The following KCNMA1 variants were observed in gnomAD, a reference collection of about 807,000 sequenced individuals.
KCNMA1 encodes the protein Calcium-activated potassium channel subunit alpha-1.
A neutral mutation model predicts 140.0 loss-of-function variants in KCNMA1; 29 were observed. The observed-to-expected ratio is 0.21, with a 90% CI of 0.15 to 0.28. KCNMA1 has a LOEUF of 0.28. KCNMA1 is among the 10% of genes least tolerant of loss of function. The pLI is 1.00. For missense variants in KCNMA1, 880 were observed against 1,602.2 expected, an observed-to-expected ratio of 0.55 and a Z score of 7.70; for synonymous variants, 612 against 611.9, an observed-to-expected ratio of 1.00 and a Z score of 0.00.
chr10:76,917,299 T>C (rs2053360377), intron 23 of KCNMA1, among the ~76,000 whole-genome samples: 1 of 152,162 alleles, frequency 6.6e-6, no homozygotes. Flanking sequence ...CATCATCAAA[T>C]GCTGACTTGA....
At chr10:77,354,954 T>A (rs1006394974) in intron 2 of KCNMA1, among the ~76,000 whole-genome samples, 2 of 152,228 alleles carry the variant, frequency 1.3e-5, no homozygotes, top group Non-Finnish European at 2.9e-5. Flanking sequence ...GCATTTGATA[T>A]GGTTTGGCTC....
At chr10:76,914,252 C>T in intron 24 of KCNMA1, 1 of 759,808 alleles carries the variant, frequency 1.3e-6, no homozygotes, top group South Asian at 1.7e-5. Context: ...CCCCGGACCA[C>T]AGGTAGTTTG....
chr10:76,877,219 C>CA (rs2032558144), downstream of KCNMA1: 1 of 153,470 alleles, frequency 6.5e-6, no homozygotes, highest in African/African-American at 2.4e-5. Context: ...AGCAGGTATT[C>CA]ACCTGTCCCC....
At chr10:77,336,055 G>A (rs548745574) in intron 2 of KCNMA1, among the ~76,000 whole-genome samples, 1 of 152,154 alleles carries the variant, frequency 6.6e-6, no homozygotes, top group Non-Finnish European at 1.5e-5. Flanking sequence ...GATGCAGGGG[G>A]AAGTTGGGAA....
At chr10:77,049,044 G>A (rs1023680925) in intron 14 of KCNMA1, among the ~76,000 whole-genome samples, 1 of 152,124 alleles carries the variant, frequency 6.6e-6, no homozygotes, top group Admixed American at 6.6e-5. Context: ...GATTACAGAC[G>A]TGAGCCACCG....
At chr10:77,419,816 C>T (rs1332772512) in intron 1 of KCNMA1, among the ~76,000 whole-genome samples, 1 of 152,190 alleles carries the variant, frequency 6.6e-6, no homozygotes, top group Admixed American at 6.5e-5. Context: ...TGTGTCACAG[C>T]CCTGGAAAGC....
intron 2 of KCNMA1, among the ~76,000 whole-genome samples, chr10:77,360,539 C>T (rs771040251): frequency 1.3e-5 from 2 of 152,162 alleles, no homozygotes; most frequent in Admixed American, 6.5e-5. Flanking sequence ...CCTGCTGTAC[C>T]AGGAGAGCAC....
chr10:77,301,219 G>A (rs1484843124), intron 2 of KCNMA1, among the ~76,000 whole-genome samples: 1 of 152,172 alleles, frequency 6.6e-6, no homozygotes, highest in Admixed American at 6.5e-5. Flanking sequence ...GACCTTGAAG[G>A]CAATTCTAAG....
intron 1 of KCNMA1, among the ~76,000 whole-genome samples, chr10:77,575,207 G>A (rs1024422163): frequency 6.6e-6 from 1 of 152,154 alleles, no homozygotes; most frequent in Non-Finnish European, 1.5e-5. Context: ...CCAATGCTAG[G>A]ACAGTGCTGA....
intron 1 of KCNMA1, among the ~76,000 whole-genome samples, chr10:77,510,674 T>A (rs1019075658): frequency 4.0e-5 from 6 of 150,752 alleles, no homozygotes; most frequent in African/African-American, 1.5e-4. Flanking sequence ...GGCACACGCC[T>A]GTAGTCCCAG....
chr10:77,319,359 T>C (rs1229690149), intron 2 of KCNMA1, among the ~76,000 whole-genome samples: 3 of 152,146 alleles, frequency 2.0e-5, no homozygotes, highest in Admixed American at 1.3e-4. Context: ...GGAATTTAAA[T>C]CACATATCTC....
At chr10:77,506,494 CAGAGAGAGAA>C (rs959821971) in intron 1 of KCNMA1, among the ~76,000 whole-genome samples, 30 of 148,634 alleles carry the variant, frequency 2.0e-4, no homozygotes, top group African/African-American at 7.3e-4. Flanking sequence ...ATCAGAGAGA[CAGAGAGAGAA>C]AGAGAGAGAG....
At chr10:77,297,041 G>C (rs963604832) in intron 2 of KCNMA1, among the ~76,000 whole-genome samples, 1 of 152,056 alleles carries the variant, frequency 6.6e-6, no homozygotes, top group Non-Finnish European at 1.5e-5. Context: ...ATCCAACAGG[G>C]TGCAGACTTG....
intron 2 of KCNMA1, among the ~76,000 whole-genome samples, chr10:77,318,539 A>AGC (rs2081474339): frequency 1.3e-5 from 2 of 152,210 alleles, no homozygotes; most frequent in South Asian, 4.1e-4. Context: ...GTATGAAAGC[A>AGC]GCTTGCACTC....
At chr10:76,952,423 G>T (rs909577113) in intron 21 of KCNMA1, among the ~76,000 whole-genome samples, 4 of 152,166 alleles carry the variant, frequency 2.6e-5, no homozygotes, top group Non-Finnish European at 5.9e-5. Context: ...GGGAGGCTGA[G>T]GCAGGAGAAT....
intron 1 of KCNMA1, among the ~76,000 whole-genome samples, chr10:77,603,766 GT>G (rs2083462207): frequency 6.6e-6 from 1 of 152,154 alleles, no homozygotes; most frequent in Non-Finnish European, 1.5e-5. Context: ...GAGGACTCTA[GT>G]CTCTCAGATC....
chr10:77,335,192 C>T lies in KCNMA1; in HGVS notation c.540+68670G>A, dbSNP rs553187640. Among the ~76,000 whole-genome samples, 9 of 152,224 alleles carry T rather than the reference C, an allele frequency of 5.9e-5. No homozygotes were observed. The South Asian group carries it at 6.2e-4, about 11-fold the overall frequency. Reference sequence around the variant, plus strand: ...GTCCTCATCCTTATGGAAGCACAAGCGGTATAGTTGCAGGGGTAAATAGGT... The same window carrying T: ...GTCCTCATCCTTATGGAAGCACAAGTGGTATAGTTGCAGGGGTAAATAGGT... On this transcript the variant is annotated intron_variant, in intron 2 of 27. Transcript: ENST00000286628.
intron 1 of KCNMA1, among the ~76,000 whole-genome samples, chr10:77,517,044 T>C (rs1422564229): frequency 6.6e-6 from 1 of 151,062 alleles, no homozygotes; most frequent in Non-Finnish European, 1.5e-5. Context: ...TGCATACATG[T>C]GCATGCATGT....
At position 77,050,247 on chromosome 10, in the gene KCNMA1, T is replaced by C. The variant is rs1334252830; in HGVS notation, c.1750-10610A>G. On this transcript the variant is annotated intron_variant, in intron 14 of 27. Transcript: ENST00000286628. Reference sequence around the variant, plus strand: ...AGTTCATTATTCCTAAATTCTAAAATTGAGGCCAAAACAACTTGATCTTTT... The same window carrying C: ...AGTTCATTATTCCTAAATTCTAAAACTGAGGCCAAAACAACTTGATCTTTT... Among the ~76,000 whole-genome samples the C allele has an allele frequency of 3.3e-5, 5 of 149,656 alleles. No individual in the cohort carries two copies. The East Asian group carries it at 9.8e-4, about 29-fold the overall frequency.
Sources: gnomAD v4.1 joint callset for allele counts (sites outside exome capture counted in the v4.1 genomes callset) on GRCh38, gnomAD v4.1.1 for gene constraint, MANE v1.5 for transcripts, NCBI Gene and HGNC (gene_info 2026-07-23, HGNC 2026-07-21) for gene names.